DIP2C: variants seen among roughly 807,000 people sequenced by gnomAD.
DIP2C encodes DIP2 acetate--CoA ligase C (putative).
A neutral mutation model predicts 192.4 loss-of-function variants in DIP2C; 33 were observed. The ratio of observed to expected loss-of-function variants is 0.17; its 90% confidence interval spans 0.13 to 0.23. DIP2C has a LOEUF of 0.23. DIP2C is among the 10% of genes least tolerant of loss of function. DIP2C has a pLI of 1.00. For missense variants in DIP2C, 1,537 were observed against 2,110.1 expected (o/e 0.73, Z 5.32); for synonymous variants, 979 against 864.1 (o/e 1.13, Z -2.33).
chr10:364,618 G>A, intron 19 of DIP2C, 36 bp from the exon 20 acceptor site: 3 of 1,600,052 alleles, frequency 1.9e-6, no homozygotes, highest in Non-Finnish European at 1.7e-6. Context: ...CACTGTTCAT[G>A]TGGTCAGCTG....
At chr10:557,393 G>T (rs1170772708) in intron 1 of DIP2C, among the ~76,000 whole-genome samples, 2 of 151,834 alleles carry the variant, frequency 1.3e-5, no homozygotes, top group Non-Finnish European at 2.9e-5. Flanking sequence ...AGTCATACGT[G>T]TGTGTTGCCT....
chr10:528,988 T>C (rs1847221799), intron 1 of DIP2C, among the ~76,000 whole-genome samples: 1 of 152,178 alleles, frequency 6.6e-6, no homozygotes, highest in South Asian at 2.1e-4. Context: ...GAGCTGATCA[T>C]GAGACACCTG....
chr10:643,282 A>T (rs2131952738), intron 1 of DIP2C, among the ~76,000 whole-genome samples: 1 of 151,942 alleles, frequency 6.6e-6, no homozygotes, highest in East Asian at 1.9e-4. Flanking sequence ...TGGGAGGCCA[A>T]GGCGGGTGGA....
At chr10:609,062 G>A (rs1181871576) in intron 1 of DIP2C, among the ~76,000 whole-genome samples, 1 of 151,562 alleles carries the variant, frequency 6.6e-6, no homozygotes, top group Non-Finnish European at 1.5e-5. Context: ...ATAAACAAAA[G>A]GAGTATCACA....
intron 2 of DIP2C, among the ~76,000 whole-genome samples, chr10:483,095 G>T (rs1287820893): frequency 1.3e-5 from 2 of 152,208 alleles, no homozygotes; most frequent in East Asian, 3.9e-4. Context: ...CTGCCCTCCT[G>T]AGCAGCTGGG....
At position 286,779 on chromosome 10, in the gene DIP2C, T is replaced by TCA. The variant is rs564788917; in HGVS notation, c.4045-434_4045-433dup. Among the ~76,000 whole-genome samples the TCA allele has an allele frequency of 7.2e-5, 11 of 152,330 alleles. No individual in the cohort carries two copies. The East Asian group carries it at 2.1e-3, about 29-fold the overall frequency. On this transcript the variant is annotated intron_variant, in intron 33 of 36. Coordinates refer to ENST00000280886, the MANE Select transcript of DIP2C (RefSeq NM_014974.3). ...ATTTACATAGAGTCAATATTACATC[T>TCA]CACATCATGGCACACACATGGATGG... is the stretch of plus-strand genomic sequence containing the variant.
intron 9 of DIP2C, among the ~76,000 whole-genome samples, chr10:405,289 A>G (rs1283648246): frequency 6.6e-6 from 1 of 152,216 alleles, no homozygotes; most frequent in African/African-American, 2.4e-5. Flanking sequence ...GTTCTTCTTT[A>G]TCAGGGGTTT....
intron 32 of DIP2C, among the ~76,000 whole-genome samples, chr10:305,413 C>CA (rs1338097572): frequency 2.4e-4 from 16 of 66,724 alleles, no homozygotes; most frequent in Non-Finnish European, 2.9e-4. Flanking sequence ...TCACTCCCTC[C>CA]ATTCTGCTGC....
At chr10:483,192 T>C (rs74368569) in intron 2 of DIP2C, among the ~76,000 whole-genome samples, 1 of 152,158 alleles carries the variant, frequency 6.6e-6, no homozygotes, top group African/African-American at 2.4e-5. Flanking sequence ...ACTTTTAGAA[T>C]AGTTTCTGGA....
In DIP2C at chr10:382,655, G is replaced by T; in HGVS notation, c.1983C>A (p.Ala661=). The change falls in exon 17 of 37, where the codon GCC becomes GCA. Residue 661 remains alanine (A), a synonymous_variant. Transcript: ENST00000280886. The stretch of plus-strand genomic sequence containing the variant: ...TCAACATGACCCAGTACCTCCGGAT[G>T]GCCACAGTGAGGGCCTCTGGCGAGC... ...CASSPEALTV[A]IRRPTDDSNQ... The T allele has an allele frequency of 6.2e-7, 1 of 1,613,170 alleles. No individual in the cohort carries two copies. Among genetic ancestry groups the T allele is most frequent in the South Asian group, 1.1e-5 (1 of 90,870 alleles).
chr10:419,002 C>T lies in DIP2C; in HGVS notation c.739+63G>A, dbSNP rs1011014539. The T allele has an allele frequency of 4.5e-5, 72 of 1,604,800 alleles. No individual in the cohort carries two copies. In the Admixed American group the frequency reaches 7.1e-4, roughly 16 times the overall value. ...GAAGAAACACATCCAGTCATGGGCA[C>T]GGAACGGGACGTCAGCACAAACCGT... On this transcript the variant is annotated intron_variant, in intron 6 of 36. Transcript: ENST00000280886.
At chr10:492,720 A>G (rs1357376081) in intron 1 of DIP2C, among the ~76,000 whole-genome samples, 1 of 152,180 alleles carries the variant, frequency 6.6e-6, no homozygotes, top group East Asian at 1.9e-4. Context: ...GGACAAGGTC[A>G]CTTAGAGTTT....
intron 1 of DIP2C, among the ~76,000 whole-genome samples, chr10:495,960 A>C (rs1844798742): frequency 6.6e-6 from 1 of 150,820 alleles, no homozygotes; most frequent in Admixed American, 6.6e-5. Flanking sequence ...CGTGTACTTA[A>C]AATCTCTCCA....
At chr10:281,081 G>C in intron 36 of DIP2C, 119 bp downstream of exon 36, 2 of 1,392,478 alleles carry the variant, frequency 1.4e-6, no homozygotes, top group South Asian at 2.7e-5. Flanking sequence ...GTCAAATGTT[G>C]AATCGCACCC....
intron 1 of DIP2C, among the ~76,000 whole-genome samples, chr10:604,684 A>G (rs543255377): frequency 1.3e-5 from 2 of 152,360 alleles, no homozygotes; most frequent in African/African-American, 2.4e-5. Context: ...CTCTAATTAA[A>G]TTAATTTTCC....
intron 1 of DIP2C, among the ~76,000 whole-genome samples, chr10:568,410 A>G (rs758228509): frequency 2.0e-5 from 3 of 152,198 alleles, no homozygotes; most frequent in Non-Finnish European, 4.4e-5. Flanking sequence ...AAAGAAACGA[A>G]TCATCCAAGA....
At chr10:471,220 G>A (rs903827214) in intron 3 of DIP2C, among the ~76,000 whole-genome samples, 6 of 152,148 alleles carry the variant, frequency 3.9e-5, no homozygotes, top group Non-Finnish European at 8.8e-5. Context: ...TTTCATTCAG[G>A]CTCTCAGGTG....
At chr10:594,200 G>C (rs573829164) in intron 1 of DIP2C, among the ~76,000 whole-genome samples, 4 of 152,292 alleles carry the variant, frequency 2.6e-5, no homozygotes, top group South Asian at 4.1e-4. Flanking sequence ...CACAGACCTC[G>C]GTTAAGTCAG....
At chr10:423,743 C>G (rs1016613965) in intron 4 of DIP2C, among the ~76,000 whole-genome samples, 8 of 152,028 alleles carry the variant, frequency 5.3e-5, no homozygotes, top group African/African-American at 1.9e-4. Context: ...GTTAGATACC[C>G]ATACAGTTCC....
Sources: gnomAD v4.1 joint callset for allele counts (sites outside exome capture counted in the v4.1 genomes callset) on GRCh38, gnomAD v4.1.1 for gene constraint, MANE v1.5 for transcripts, NCBI Gene and HGNC (gene_info 2026-07-23, HGNC 2026-07-21) for gene names.